The following NBAS variants were observed in gnomAD, a reference collection of about 807,000 sequenced individuals.
NBAS encodes the protein NBAS subunit of NRZ tethering complex.
In NBAS, 219 loss-of-function variants were observed where a neutral mutation model predicts 302.5. The observed-to-expected ratio is 0.72, with a 90% CI of 0.65 to 0.81. NBAS has a LOEUF of 0.81. Ranked by LOEUF, NBAS falls within the 30% of genes least tolerant of loss-of-function variation. NBAS has a pLI of 0.00. For missense variants in NBAS, 2,932 were observed against 2,841.6 expected (o/e 1.03, Z -0.72); for synonymous variants, 1,118 against 1,021.6 (o/e 1.09, Z -1.80).
chr2:15,245,746 A>G (rs893682875), intron 44 of NBAS, among the ~76,000 whole-genome samples: 2 of 152,212 alleles, frequency 1.3e-5, no homozygotes, highest in African/African-American at 4.8e-5. Flanking sequence ...CTCATGACAC[A>G]TCTCTAACTA....
intron 27 of NBAS, among the ~76,000 whole-genome samples, chr2:15,395,964 T>C (rs973356729): frequency 2.0e-5 from 3 of 152,118 alleles, no homozygotes; most frequent in African/African-American, 4.8e-5. Context: ...ATAATACAAA[T>C]AGTCAATTCA....
At chr2:15,033,125 A>G in the NBAS span, among the ~76,000 whole-genome samples, 3 of 152,354 alleles carry the variant, frequency 2.0e-5, no homozygotes, top group Non-Finnish European at 2.9e-5. Flanking sequence ...GGCCACTCCA[A>G]TGGGCATAGC....
intron 19 of NBAS, among the ~76,000 whole-genome samples, chr2:15,465,881 C>T (rs1481430384): frequency 2.8e-4 from 42 of 152,030 alleles, no homozygotes. Context: ...AAAAAGATAT[C>T]ATTAGAGAAA....
At chr2:15,298,324 T>C (rs1329568992) in intron 40 of NBAS, among the ~76,000 whole-genome samples, 1 of 152,198 alleles carries the variant, frequency 6.6e-6, no homozygotes, top group Non-Finnish European at 1.5e-5. Context: ...TAAAACATGA[T>C]ACTGAGAAGA....
At chr2:15,382,892 G>T (rs1675110843) in intron 29 of NBAS, among the ~76,000 whole-genome samples, 2 of 152,140 alleles carry the variant, frequency 1.3e-5, no homozygotes, top group Non-Finnish European at 2.9e-5. Flanking sequence ...GATGAAGACA[G>T]GACAGATTTG....
At chr2:15,366,451 G>C in intron 32 of NBAS, 129 bp downstream of exon 32, 2 of 875,138 alleles carry the variant, frequency 2.3e-6, no homozygotes, top group South Asian at 2.8e-5. Context: ...CTGAGCAACA[G>C]AGCGAGACCC....
the NBAS span, among the ~76,000 whole-genome samples, chr2:15,122,721 G>A: frequency 3.9e-5 from 6 of 152,150 alleles, no homozygotes; most frequent in African/African-American, 9.7e-5. Flanking sequence ...TACTGAGGAA[G>A]GGAAGCAAAA....
the NBAS span, among the ~76,000 whole-genome samples, chr2:14,849,939 A>G: frequency 1.4e-5 from 2 of 138,282 alleles, no homozygotes; most frequent in Non-Finnish European, 3.0e-5. Context: ...AGTGCTAAAC[A>G]TGGAAAGGAA....
chr2:14,817,008 C>A, the NBAS span, among the ~76,000 whole-genome samples: 3 of 152,150 alleles, frequency 2.0e-5, no homozygotes, highest in Non-Finnish European at 4.4e-5. Context: ...AGAGGTGACT[C>A]CATAAAATAA....
chr2:15,229,805 A>C (rs72776626), intron 47 of NBAS, among the ~76,000 whole-genome samples: 2,909 of 152,190 alleles, frequency 0.019, 53 homozygotes, highest in South Asian at 0.055. Flanking sequence ...AAAAGAAAAA[A>C]AAAGAGGACG....
chr2:15,394,290 G>A lies in NBAS; in HGVS notation c.3194C>T (p.Thr1065Ile), dbSNP rs1226449788. The stretch of plus-strand genomic sequence containing the variant: ...GCGTGCCTCTTCTGAGCTAGATTGA[G>A]TGTTTTTAACAAATGAAATTGGTTT... ...LEKPISFVKNTQSSSEEARKL... is the reference protein window; with the variant it reads ...LEKPISFVKNIQSSSEEARKL... The change falls in exon 28 of 52, where the codon ACT becomes ATT. Residue 1065 changes from threonine to isoleucine, a missense_variant. Thr to Ile is a moderately conservative substitution (Grantham distance 89, BLOSUM62 -1). Coordinates refer to ENST00000281513, the MANE Select transcript of NBAS (RefSeq NM_015909.4). The A allele has an allele frequency of 6.2e-7, 1 of 1,613,188 alleles. No individual in the cohort carries two copies. Among genetic ancestry groups the A allele is most frequent in the East Asian group, 2.2e-5 (1 of 44,804 alleles).
In NBAS at chr2:15,421,599, T is replaced by C. The variant is rs1331446964; in HGVS notation, c.2577+2716A>G. ...ATCACAGCATAATCCACATGAAACA[T>C]CAATACCTAACATGAAGCCAAAAAA... On this transcript the variant is annotated intron_variant, in intron 23 of 51. Coordinates refer to ENST00000281513, the MANE Select transcript of NBAS (RefSeq NM_015909.4). 2.0e-5 allele frequency among the ~76,000 whole-genome samples: 3 copies of C among 150,542 alleles called. No individual in the cohort carries two copies. In the East Asian group the frequency reaches 5.9e-4, roughly 29 times the overall value.
intron 44 of NBAS, among the ~76,000 whole-genome samples, chr2:15,261,892 T>G (rs10929356): frequency 0.6 from 91,172 of 152,066 alleles, 30,047 homozygotes; most frequent in African/African-American, 0.87. Flanking sequence ...TTATTATTAA[T>G]ATCATTGAAA....
chr2:15,509,611 C>A (rs1327601912), intron 10 of NBAS, among the ~76,000 whole-genome samples: 3 of 152,138 alleles, frequency 2.0e-5, no homozygotes, highest in Non-Finnish European at 4.4e-5. Flanking sequence ...CTAAAGATTT[C>A]TTTTCAAAAG....
chr2:15,331,973 C>CA lies in NBAS; in HGVS notation c.4180-1209dup, dbSNP rs1355532505. Among the ~76,000 whole-genome samples, 7 of 152,170 alleles carry CA rather than the reference C, an allele frequency of 4.6e-5. 1 individual carries two copies. The South Asian group carries it at 1.2e-3, about 27-fold the overall frequency. On this transcript the variant is annotated intron_variant, in intron 35 of 51. Transcript: ENST00000281513. ...AATAAGGATCAGGGAGAGTGAGTGT[C>CA]AGAGATAAGCCATGAAGGAAGAGGC... is the stretch of plus-strand genomic sequence containing the variant.
chr2:15,462,371 C>A (rs537130614), intron 19 of NBAS, among the ~76,000 whole-genome samples: 1 of 152,204 alleles, frequency 6.6e-6, no homozygotes, highest in East Asian at 1.9e-4. Context: ...TCTGGGAGGA[C>A]AGAGAAGTGG....
intron 35 of NBAS, among the ~76,000 whole-genome samples, chr2:15,347,855 A>G (rs1442783282): frequency 2.0e-5 from 3 of 152,226 alleles, no homozygotes; most frequent in Non-Finnish European, 2.9e-5. Context: ...CTATTTATAG[A>G]CAAACATCCT....
At chr2:15,504,083 T>A in intron 11 of NBAS, 62 bp downstream of exon 11, 1 of 1,389,618 alleles carries the variant, frequency 7.2e-7, no homozygotes, top group African/African-American at 1.4e-5. Context: ...GCTTTGACCT[T>A]AAAGGTACTT....
chr2:15,049,830 T>C, the NBAS span, among the ~76,000 whole-genome samples: 8 of 152,186 alleles, frequency 5.3e-5, no homozygotes, highest in African/African-American at 1.9e-4. Context: ...GTAAACAAGC[T>C]GGCGACAGGG....
Sources: allele counts gnomAD v4.1 joint callset (sites outside exome capture counted in the v4.1 genomes callset), GRCh38; gene constraint gnomAD v4.1.1; transcripts MANE v1.5; gene names NCBI Gene and HGNC (gene_info 2026-07-23, HGNC 2026-07-21).